The following EIF3H variants were observed in gnomAD, a reference collection of about 807,000 sequenced individuals.
EIF3H encodes eIF-3-gamma.
A neutral mutation model predicts 44.2 loss-of-function variants in EIF3H; 26 were observed. That is an observed-to-expected ratio of 0.59 (90% CI 0.43 to 0.82). The LOEUF (loss-of-function observed/expected upper bound fraction) is 0.82. Ranked by LOEUF, EIF3H falls within the 40% of genes least tolerant of loss-of-function variation. The pLI is 0.00. For missense variants in EIF3H, 359 were observed against 432.8 expected (o/e 0.83, Z 1.51); for synonymous variants, 166 against 151.9 (o/e 1.09, Z -0.68).
chr8:116,685,731 C>T (rs75569187), intron 2 of EIF3H, among the ~76,000 whole-genome samples: 1,664 of 152,250 alleles, frequency 0.011, 12 homozygotes, highest in South Asian at 0.039. Context: ...CTTGCTCCTC[C>T]ATTTGTTTTT....
intron 2 of EIF3H, chr8:116,689,060 ATTAC>A (rs1814128740): frequency 6.8e-6 from 3 of 439,550 alleles, no homozygotes; most frequent in Admixed American, 5.0e-5. Flanking sequence ...ACAAAAACGT[ATTAC>A]TTACATACAT....
chr8:116,674,069 A>C (rs1422780831), intron 2 of EIF3H, among the ~76,000 whole-genome samples: 14 of 10,250 alleles, frequency 1.4e-3, no homozygotes, highest in African/African-American at 3.1e-3. Flanking sequence ...GACTGTCTCA[A>C]AAAAAAAAAA....
At chr8:116,705,491 A>ACCCC (rs1227970298) in intron 2 of EIF3H, among the ~76,000 whole-genome samples, 4 of 126,560 alleles carry the variant, frequency 3.2e-5, no homozygotes, top group African/African-American at 6.1e-5. Context: ...AACATGTTAC[A>ACCCC]CCCCCCCCCA....
intron 5 of EIF3H, among the ~76,000 whole-genome samples, chr8:116,651,350 G>A (rs1349217062): frequency 6.6e-6 from 1 of 152,126 alleles, no homozygotes; most frequent in African/African-American, 2.4e-5. Flanking sequence ...CCAGTCTTCT[G>A]GCAGCTGGTT....
intron 2 of EIF3H, among the ~76,000 whole-genome samples, chr8:116,680,843 TAAA>T (rs1020483729): frequency 1.8e-4 from 6 of 33,002 alleles, no homozygotes; most frequent in Admixed American, 4.2e-4. Flanking sequence ...TAATAATAAA[TAAA>T]TAAAAAAAAA....
upstream of EIF3H, among the ~76,000 whole-genome samples, chr8:116,759,460 G>A (rs1446193613): frequency 6.6e-6 from 1 of 152,132 alleles, no homozygotes; most frequent in African/African-American, 2.4e-5. Context: ...TAAAAGTCAG[G>A]CTGTGACCAT....
chr8:116,746,656 C>T (rs1056624583), intron 1 of EIF3H, among the ~76,000 whole-genome samples: 2 of 152,162 alleles, frequency 1.3e-5, no homozygotes, highest in African/African-American at 4.8e-5. Flanking sequence ...AATACTAGTC[C>T]GCCCAGTTCC....
chr8:116,702,370 A>G (rs544217293), intron 2 of EIF3H, among the ~76,000 whole-genome samples: 8 of 152,338 alleles, frequency 5.3e-5, no homozygotes, highest in African/African-American at 1.9e-4. Context: ...CACATATATC[A>G]TATCAACCTA....
intron 2 of EIF3H, among the ~76,000 whole-genome samples, chr8:116,691,097 C>A (rs1814165676): frequency 6.6e-6 from 1 of 152,184 alleles, no homozygotes; most frequent in Non-Finnish European, 1.5e-5. Flanking sequence ...ACACAGTTTA[C>A]TACGTTACTA....
At chr8:116,700,694 C>T (rs979135756) in intron 2 of EIF3H, among the ~76,000 whole-genome samples, 5 of 152,042 alleles carry the variant, frequency 3.3e-5, no homozygotes, top group Non-Finnish European at 4.4e-5. Context: ...TCAGGGAGGC[C>T]GGAAGACATC....
chr8:116,666,776 A>AAAAAAAAAT (rs1554598153), intron 2 of EIF3H, among the ~76,000 whole-genome samples: 3 of 150,858 alleles, frequency 2.0e-5, no homozygotes, highest in Non-Finnish European at 3.0e-5. Context: ...AAAAAAAAAA[A>AAAAAAAAAT]TTACACTATG....
At chr8:116,701,016 C>T (rs1814367024) in intron 2 of EIF3H, among the ~76,000 whole-genome samples, 1 of 151,968 alleles carries the variant, frequency 6.6e-6, no homozygotes, top group Non-Finnish European at 1.5e-5. Flanking sequence ...TCTCCAAAGC[C>T]AGAAAGAAAA....
intron 1 of EIF3H, among the ~76,000 whole-genome samples, chr8:116,739,507 G>A (rs570952710): frequency 5.3e-5 from 8 of 152,276 alleles, no homozygotes; most frequent in Admixed American, 1.3e-4. Flanking sequence ...AAAATTAGCC[G>A]GGCGTGGTGA....
rs191184928 is a variant in EIF3H, at chr8:116,719,109, A to G, written c.289+6907T>C. The stretch of plus-strand genomic sequence containing the variant: ...GCCAGGAGGAATGAGCCTTAGTTTA[A>G]TAACTGACCATTGGATCACATCACA... On this transcript the variant is annotated intron_variant, in intron 2 of 7. Coordinates refer to ENST00000521861, the MANE Select transcript of EIF3H (RefSeq NM_003756.3). 3.9e-5 allele frequency among the ~76,000 whole-genome samples: 6 copies of G among 152,306 alleles called. No homozygotes were observed. The East Asian group carries it at 1.2e-3, about 29-fold the overall frequency.
intron 2 of EIF3H, among the ~76,000 whole-genome samples, chr8:116,663,429 T>A (rs1034533570): frequency 2.6e-5 from 4 of 152,124 alleles, no homozygotes; most frequent in Admixed American, 6.5e-5. Context: ...CTAATGACAT[T>A]CTCTTCTAAG....
At position 116,675,143 on chromosome 8, in the gene EIF3H, T is replaced by C. The variant is rs186702817; in HGVS notation, c.290-16163A>G. ...TATTTTTAAATCACATATGTCCTGATGGCACTGTGCTACCACTTGATAAAG... is the reference window on the plus strand; with the variant it reads ...TATTTTTAAATCACATATGTCCTGACGGCACTGTGCTACCACTTGATAAAG... On this transcript the variant is annotated intron_variant, in intron 2 of 7. Transcript: ENST00000521861. Among the ~76,000 whole-genome samples the C allele has an allele frequency of 1.2e-4, 18 of 150,484 alleles. No homozygotes were observed. In the East Asian group the frequency reaches 3.9e-3, roughly 33 times the overall value.
At chr8:116,733,625 C>G (rs1320124357) in intron 1 of EIF3H, among the ~76,000 whole-genome samples, 1 of 151,700 alleles carries the variant, frequency 6.6e-6, no homozygotes, top group African/African-American at 2.4e-5. Flanking sequence ...AAAACAAACT[C>G]TTAAAAAATT....
rs141157516 is a variant in EIF3H at position 116,697,070 on chromosome 8, C to G, written c.289+28946G>C. 2,235 of 456,230 alleles carry G rather than the reference C, an allele frequency of 4.9e-3. 16 individuals are homozygous for G. Among genetic ancestry groups the G allele is most frequent in the Non-Finnish European group, 6.8e-3 (1,547 of 226,942 alleles). The allele number at this position is 456,230 out of a possible 1,614,324, so 28.3% of individuals were successfully genotyped here. Reference sequence around the variant, plus strand: ...TGGCTCACCTCTCCAGCTGGGATCTCTCTCCTGAGAGGCCTCCATCACCAC... The same window carrying G: ...TGGCTCACCTCTCCAGCTGGGATCTGTCTCCTGAGAGGCCTCCATCACCAC... On this transcript the variant is annotated intron_variant, in intron 2 of 7. Transcript: ENST00000521861.
At chr8:116,705,205 G>T (rs1814447054) in intron 2 of EIF3H, among the ~76,000 whole-genome samples, 1 of 152,138 alleles carries the variant, frequency 6.6e-6, no homozygotes, top group African/African-American at 2.4e-5. Context: ...TATGATATTT[G>T]TAAAAAGTTA....
Sources: gnomAD v4.1 joint callset for allele counts (sites outside exome capture counted in the v4.1 genomes callset) on GRCh38, gnomAD v4.1.1 for gene constraint, MANE v1.5 for transcripts, NCBI Gene and HGNC (gene_info 2026-07-23, HGNC 2026-07-21) for gene names.